PDE4D: variants seen among roughly 807,000 people sequenced by gnomAD.
PDE4D encodes the protein 3',5'-cyclic-AMP phosphodiesterase 4D.
PDE4D carries 24 observed loss-of-function variants against 87.4 expected under a neutral mutation model. The ratio of observed to expected loss-of-function variants is 0.27; its 90% CI spans 0.20 to 0.39. The LOEUF (loss-of-function observed/expected upper bound fraction) is 0.39. Among genes scored for constraint, PDE4D ranks in the 10% least tolerant of loss-of-function variants. PDE4D has a pLI of 1.00. For missense variants in PDE4D, 714 were observed against 1,041.0 expected (o/e 0.69, Z 4.32); for synonymous variants, 384 against 383.2 (o/e 1.00, Z -0.02).
intron 1 of PDE4D, among the ~76,000 whole-genome samples, chr5:60,412,252 G>C (rs1742106402): frequency 6.6e-6 from 1 of 151,998 alleles, no homozygotes; most frequent in Non-Finnish European, 1.5e-5. Context: ...AGAAATTAGG[G>C]GAAAAAACAG....
chr5:60,247,845 T>A (rs1184802715), intron 1 of PDE4D, among the ~76,000 whole-genome samples: 1 of 152,056 alleles, frequency 6.6e-6, no homozygotes, highest in African/African-American at 2.4e-5. Flanking sequence ...TTCCATTAAT[T>A]CAATACAACT....
chr5:59,031,568 C>T (rs1297870457), intron 6 of PDE4D, among the ~76,000 whole-genome samples: 8 of 148,384 alleles, frequency 5.4e-5, no homozygotes, highest in African/African-American at 1.2e-4. Context: ...ATTAGTGGGG[C>T]GTGGTAGCGG....
At chr5:59,851,893 C>T (rs994463634) in intron 1 of PDE4D, among the ~76,000 whole-genome samples, 2 of 152,028 alleles carry the variant, frequency 1.3e-5, no homozygotes, top group African/African-American at 2.4e-5. Context: ...ACATAAGGAC[C>T]GCAGCCATGG....
intron 5 of PDE4D, among the ~76,000 whole-genome samples, chr5:59,162,856 A>C (rs1781331797): frequency 6.6e-6 from 1 of 151,170 alleles, no homozygotes; most frequent in Non-Finnish European, 1.5e-5. Flanking sequence ...CCTGCATCAA[A>C]AAAAAAAAAA....
intron 1 of PDE4D, among the ~76,000 whole-genome samples, chr5:59,416,009 T>C (rs1470863608): frequency 2.0e-5 from 3 of 152,118 alleles, no homozygotes; most frequent in Non-Finnish European, 4.4e-5. Flanking sequence ...TAACTCTAAA[T>C]CTCTATTTTC....
intron 1 of PDE4D, among the ~76,000 whole-genome samples, chr5:59,359,907 T>A (rs533698699): frequency 1.3e-5 from 2 of 152,278 alleles, no homozygotes; most frequent in South Asian, 4.1e-4. Flanking sequence ...AATCTAAACA[T>A]TGCTCCAATC....
chr5:59,641,613 C>G (rs1741594606), intron 1 of PDE4D, among the ~76,000 whole-genome samples: 1 of 151,990 alleles, frequency 6.6e-6, no homozygotes, highest in South Asian at 2.1e-4. Context: ...AATAAGAAAA[C>G]AATGAACACA....
In PDE4D at chr5:60,196,055, T is replaced by C. The variant is rs373914059; in HGVS notation, c.-89-10368A>G. Reference sequence around the variant, plus strand: ...TAATATGCAGGCGGTCACACTTACATAGAGAACACAAGCCACTTTTTATTT... The same window carrying C: ...TAATATGCAGGCGGTCACACTTACACAGAGAACACAAGCCACTTTTTATTT... On this transcript the variant is annotated intron_variant, in intron 1 of 16. Transcript: ENST00000502484. Among the ~76,000 whole-genome samples the C allele has an allele frequency of 1.5e-4, 22 of 151,724 alleles. 1 individual carries two copies. In the South Asian group the frequency reaches 3.1e-3, roughly 22 times the overall value.
intron 1 of PDE4D, among the ~76,000 whole-genome samples, chr5:59,288,332 A>G (rs1248667040): frequency 6.6e-6 from 1 of 151,974 alleles, no homozygotes; most frequent in Non-Finnish European, 1.5e-5. Flanking sequence ...AGAGTCTCTT[A>G]ACAGCACAAA....
At chr5:60,446,245 A>C (rs1745633917) in intron 1 of PDE4D, among the ~76,000 whole-genome samples, 1 of 152,162 alleles carries the variant, frequency 6.6e-6, no homozygotes, top group Non-Finnish European at 1.5e-5. Context: ...CAAAAAAATC[A>C]AACCTTTATG....
At chr5:59,809,945 G>C (rs771500376) in intron 1 of PDE4D, among the ~76,000 whole-genome samples, 2 of 152,154 alleles carry the variant, frequency 1.3e-5, no homozygotes, top group Non-Finnish European at 2.9e-5. Flanking sequence ...TTATTACAAA[G>C]AATAATACAC....
chr5:60,342,297 C>T (rs1004230282), intron 1 of PDE4D, among the ~76,000 whole-genome samples: 9 of 152,220 alleles, frequency 5.9e-5, no homozygotes, highest in South Asian at 4.2e-4. Flanking sequence ...TTTCCCTTTA[C>T]GCTTTATTGT....
chr5:59,450,797 G>A (rs750335803), intron 1 of PDE4D, among the ~76,000 whole-genome samples: 11 of 152,048 alleles, frequency 7.2e-5, no homozygotes, highest in East Asian at 1.9e-4. Flanking sequence ...TTACCAACTC[G>A]GGCAAATCCT....
At position 60,478,072 on chromosome 5, in the gene PDE4D, C is replaced by G. The variant is rs145174174; in HGVS notation, c.-90+9870G>C. 2.9e-4 allele frequency among the ~76,000 whole-genome samples: 44 copies of G among 152,198 alleles called. 1 individual carries two copies. Among genetic ancestry groups the G allele is most frequent in the Admixed American group, 2.5e-3 (38 of 15,276 alleles). The stretch of plus-strand genomic sequence containing the variant: ...GCTAACTGATACAACTTGGATAATT[C>G]CCTCCAAATAACAAAGGAGATTAAA... On this transcript the variant is annotated intron_variant, in intron 1 of 16. Coordinates refer to the PDE4D transcript ENST00000502484.
At chr5:59,413,196 G>A (rs1307760459) in intron 1 of PDE4D, among the ~76,000 whole-genome samples, 8 of 151,858 alleles carry the variant, frequency 5.3e-5, no homozygotes, top group African/African-American at 7.3e-5. Context: ...GGTGGCTCAC[G>A]CCTGTAATCC....
At chr5:60,128,809 A>G (rs564613617) in intron 2 of PDE4D, among the ~76,000 whole-genome samples, 3 of 152,322 alleles carry the variant, frequency 2.0e-5, no homozygotes, top group Admixed American at 6.5e-5. Context: ...TCACTAGTGA[A>G]CCATATTTCT....
chr5:60,502,893 C>A (rs1750150945), intron 1 of PDE4D, among the ~76,000 whole-genome samples: 1 of 151,982 alleles, frequency 6.6e-6, no homozygotes, highest in African/African-American at 2.4e-5. Context: ...GTCTTATTTT[C>A]TTAGAATTTC....
chr5:59,735,988 C>G (rs1758012171), intron 1 of PDE4D, among the ~76,000 whole-genome samples: 1 of 151,394 alleles, frequency 6.6e-6, no homozygotes, highest in Non-Finnish European at 1.5e-5. Flanking sequence ...AACTTCTTTA[C>G]AATAAAAATT....
chr5:59,148,883 T>C (rs1039734150), intron 5 of PDE4D, among the ~76,000 whole-genome samples: 1 of 151,600 alleles, frequency 6.6e-6, no homozygotes, highest in Non-Finnish European at 1.5e-5. Context: ...CACATTTGAC[T>C]CAAATACACT....
Sources: allele counts gnomAD v4.1 joint callset (sites outside exome capture counted in the v4.1 genomes callset), GRCh38; gene constraint gnomAD v4.1.1; transcripts MANE v1.5; gene names NCBI Gene and HGNC (gene_info 2026-07-23, HGNC 2026-07-21).